The following DOCK3 variants were observed in gnomAD, a reference collection of about 807,000 sequenced individuals.
The protein encoded by DOCK3 is dedicator of cytokinesis protein 3.
In DOCK3, 60 loss-of-function variants were observed where a neutral mutation model predicts 265.6. That is an observed-to-expected ratio of 0.23 (90% CI 0.18 to 0.28). The LOEUF (loss-of-function observed/expected upper bound fraction) is 0.28, where lower values mean the gene tolerates loss of function less well. Among genes scored for constraint, DOCK3 ranks in the 10% least tolerant of loss-of-function variants. The pLI is 1.00. For missense variants in DOCK3, 1,981 were observed against 2,594.3 expected, an observed-to-expected ratio of 0.76 and a Z score of 5.14; for synonymous variants, 881 against 938.0, an observed-to-expected ratio of 0.94 and a Z score of 1.11.
chr3:50,958,568 A>G (rs954977759), intron 5 of DOCK3, among the ~76,000 whole-genome samples: 2 of 152,226 alleles, frequency 1.3e-5, no homozygotes, highest in Non-Finnish European at 2.9e-5. Context: ...CTAAAAGGGT[A>G]TGCAGTTAAT....
chr3:51,176,416 G>A (rs73089118), intron 12 of DOCK3, among the ~76,000 whole-genome samples: 2,414 of 151,966 alleles, frequency 0.016, 32 homozygotes, highest in Non-Finnish European at 0.023. Flanking sequence ...AGGAGATCAA[G>A]ACTGTTCTGG....
intron 6 of DOCK3, among the ~76,000 whole-genome samples, chr3:51,069,997 C>T (rs1294107142): frequency 2.0e-5 from 3 of 152,118 alleles, no homozygotes; most frequent in Non-Finnish European, 4.4e-5. Context: ...AGTGTCTTGC[C>T]CTGTTCACAG....
chr3:50,861,167 T>G (rs2046891112), intron 3 of DOCK3, among the ~76,000 whole-genome samples: 1 of 152,170 alleles, frequency 6.6e-6, no homozygotes, highest in African/African-American at 2.4e-5. Context: ...TCTATGTTGC[T>G]CCCAGGTGGG....
At chr3:50,769,558 C>T (rs1404703921) in intron 1 of DOCK3, among the ~76,000 whole-genome samples, 2 of 152,080 alleles carry the variant, frequency 1.3e-5, no homozygotes, top group African/African-American at 4.8e-5. Context: ...CACCTGTAAT[C>T]CTAGCACTTT....
Position 50,952,957 on chromosome 3 carries a change from C to T in DOCK3, c.315+18880C>T, listed in dbSNP as rs114499317. ...TATGAAGTACTGAAGGTTAATGAAA[C>T]TTAAGTGATTTTCTTAAGATTTTTG... is the stretch of plus-strand genomic sequence containing the variant. On this transcript the variant is annotated intron_variant, in intron 5 of 52. Transcript: ENST00000266037. Among the ~76,000 whole-genome samples the T allele has an allele frequency of 7.6e-3, 1,154 of 152,216 alleles. 17 individuals carry two copies. The highest frequency in any genetic ancestry group is 0.026 in the African/African-American group (1,096 of 41,536).
intron 3 of DOCK3, among the ~76,000 whole-genome samples, chr3:50,889,139 T>C (rs1265122663): frequency 6.6e-6 from 1 of 150,654 alleles, no homozygotes; most frequent in African/African-American, 2.4e-5. Context: ...CTCTGTCATA[T>C]AGGCTGGAGT....
intron 10 of DOCK3, among the ~76,000 whole-genome samples, chr3:51,152,431 G>A (rs2085646849): frequency 6.6e-6 from 1 of 152,150 alleles, no homozygotes; most frequent in Admixed American, 6.5e-5. Context: ...TTTGAGATGG[G>A]TTTGAAGATC....
Position 51,374,586 on chromosome 3 carries a change from A to C in DOCK3, c.5411A>C (p.Gln1804Pro). Residue 1804 changes from glutamine (Q) to proline (P), a missense_variant and splice_region_variant, in exon 50 of 53, where the codon CAG becomes CCG. Gln to Pro is a moderately conservative substitution (Grantham distance 76). Around this residue, in one of 4 missense-constraint regions of DOCK3, gnomAD observed 1,357 missense variants for 1,866.8 expected, o/e 0.73. Transcript: ENST00000266037. This position sits in a 1 kb window ranked among gnomAD's most constrained non-coding sequence, Gnocchi z 4.8. ...CCAGCAGCCATCCTGGAGAACGGAC[A>C]GGTAATAGACCCACCACACTGACTG... is the stretch of plus-strand genomic sequence containing the variant. ...MYPAAILENGQPPNFQRALFQ... is the reference protein window; with the variant it reads ...MYPAAILENGPPPNFQRALFQ... 1 of 1,610,034 alleles carries C rather than the reference A, an allele frequency of 6.2e-7. No homozygotes were observed.
chr3:50,887,239 A>G (rs963475695), intron 3 of DOCK3, among the ~76,000 whole-genome samples: 4 of 152,066 alleles, frequency 2.6e-5, no homozygotes, highest in South Asian at 2.1e-4. Context: ...AAACACCTCT[A>G]TGCAAATAAA....
At chr3:50,835,718 C>T (rs1383300598) in intron 2 of DOCK3, among the ~76,000 whole-genome samples, 6 of 152,092 alleles carry the variant, frequency 3.9e-5, no homozygotes, top group Admixed American at 3.9e-4. Context: ...TTAACAAAAC[C>T]CAAAATTAAG....
At chr3:51,304,928 C>A (rs1301387515) in intron 27 of DOCK3, among the ~76,000 whole-genome samples, 4 of 152,200 alleles carry the variant, frequency 2.6e-5, no homozygotes, top group Admixed American at 6.5e-5. Flanking sequence ...TCTGATTTTA[C>A]TTCTTTTAAA....
In DOCK3 at chr3:51,074,684, G is replaced by A. The variant is rs1033811986; in HGVS notation, c.465-672G>A. On this transcript the variant is annotated intron_variant, in intron 6 of 52. Transcript: ENST00000266037. Reference sequence around the variant, plus strand: ...AAATTGGGGCCTATCTGGGGGTGTGGTGAGGGGAGGGAGAGAATTAGGAAA... The same window carrying A: ...AAATTGGGGCCTATCTGGGGGTGTGATGAGGGGAGGGAGAGAATTAGGAAA... 3.9e-5 allele frequency among the ~76,000 whole-genome samples: 6 copies of A among 152,018 alleles called. No individual in the cohort carries two copies. The South Asian group carries it at 1.2e-3, about 32-fold the overall frequency.
intron 9 of DOCK3, among the ~76,000 whole-genome samples, chr3:51,091,100 G>A (rs1427515231): frequency 1.3e-5 from 2 of 152,204 alleles, no homozygotes; most frequent in Non-Finnish European, 2.9e-5. Context: ...TGCACCCATT[G>A]ATCAGGACAT....
At chr3:50,812,559 A>G (rs556576255) in intron 2 of DOCK3, among the ~76,000 whole-genome samples, 6 of 152,246 alleles carry the variant, frequency 3.9e-5, no homozygotes, top group Non-Finnish European at 8.8e-5. Context: ...AGCTTGCGGT[A>G]TAAGTTCCAG....
chr3:51,169,036 A>G (rs529517354), intron 12 of DOCK3, among the ~76,000 whole-genome samples: 134 of 152,368 alleles, frequency 8.8e-4, no homozygotes, highest in African/African-American at 3.1e-3. Context: ...TCACAATGAG[A>G]TACCATCTCA....
chr3:51,260,043 C>A, intron 22 of DOCK3, 113 bp from the exon 23 acceptor site: 2 of 1,092,306 alleles, frequency 1.8e-6, no homozygotes, highest in South Asian at 1.9e-5. Flanking sequence ...TAGAATTGCC[C>A]AACACCTGAT....
At chr3:50,771,643 A>C (rs1398892216) in intron 1 of DOCK3, among the ~76,000 whole-genome samples, 2 of 152,184 alleles carry the variant, frequency 1.3e-5, no homozygotes, top group Non-Finnish European at 2.9e-5. Flanking sequence ...CGAGGTCAGG[A>C]GATTGAGACC....
intron 27 of DOCK3, among the ~76,000 whole-genome samples, chr3:51,280,444 A>C (rs1000740236): frequency 6.6e-5 from 10 of 152,146 alleles, no homozygotes; most frequent in Non-Finnish European, 1.5e-4. Flanking sequence ...CCCTGTGATC[A>C]TGTGCCTCTA....
chr3:51,229,431 A>G lies in DOCK3; in HGVS notation c.1820-81A>G, dbSNP rs2090455232. ...ATACAACCGCACTCCAGCCTGGGCA[A>G]CAGAGTGAGACTCCGTCTAAAAAAA... On this transcript the variant is annotated intron_variant, in intron 18 of 52. Transcript: ENST00000266037. The G allele has an allele frequency of 8.7e-6, 9 of 1,033,692 alleles. No homozygotes were observed. The South Asian group carries it at 2.0e-4, about 23-fold the overall frequency. The allele number at this position is 1,033,692 out of a possible 1,614,324, so 64.0% of individuals were successfully genotyped here.
Sources: gnomAD v4.1 joint callset for allele counts (sites outside exome capture counted in the v4.1 genomes callset) on GRCh38, gnomAD v4.1.1 for gene constraint, gnomAD v4.1.1 regional missense constraint, Gnocchi (gnomAD v3.1) non-coding constraint, MANE v1.5 for transcripts, NCBI Gene and HGNC (gene_info 2026-07-23, HGNC 2026-07-21) for gene names.